The following SORT1 variants were observed in gnomAD, a reference collection of about 807,000 sequenced individuals.
SORT1 encodes sortilin.
A neutral mutation model predicts 101.7 loss-of-function variants in SORT1; 39 were observed. The ratio of observed to expected loss-of-function variants is 0.38; its 90% CI spans 0.30 to 0.50. The LOEUF is 0.50. SORT1 is among the 20% of genes least tolerant of loss of function. SORT1 has a pLI of 0.90. For synonymous variants in SORT1, 396 were observed against 393.7 expected, an observed-to-expected ratio of 1.01 and a Z score of -0.07; for missense variants, 878 against 1,040.4, an observed-to-expected ratio of 0.84 and a Z score of 2.15.
intron 10 of SORT1, among the ~76,000 whole-genome samples, chr1:109,339,705 T>A (rs951913887): frequency 1.3e-5 from 2 of 152,228 alleles, no homozygotes; most frequent in Admixed American, 1.3e-4. Context: ...CATGGAATTA[T>A]CATGTGATCC....
At chr1:109,379,881 A>T (rs1188962849) in intron 1 of SORT1, among the ~76,000 whole-genome samples, 5 of 152,214 alleles carry the variant, frequency 3.3e-5, no homozygotes, top group Admixed American at 6.5e-5. Context: ...TATTTGGAAA[A>T]AAAATAAAAT....
At chr1:109,379,762 T>C (rs904645614) in intron 1 of SORT1, among the ~76,000 whole-genome samples, 6 of 152,178 alleles carry the variant, frequency 3.9e-5, no homozygotes, top group Admixed American at 1.3e-4. Flanking sequence ...GGCGCAGGAA[T>C]AGACTAATCA....
At chr1:109,360,212 T>G (rs1165394063) in intron 3 of SORT1, among the ~76,000 whole-genome samples, 2 of 152,206 alleles carry the variant, frequency 1.3e-5, no homozygotes, top group South Asian at 4.1e-4. Flanking sequence ...GTTTCCAGCC[T>G]GTAGTCCCAG....
intron 13 of SORT1, 101 bp from the exon 14 acceptor site, chr1:109,325,190 T>A: frequency 1.6e-6 from 1 of 619,518 alleles, no homozygotes; most frequent in Non-Finnish European, 2.7e-6. Flanking sequence ...ACAAAACCCC[T>A]TACATTTAGG....
intron 3 of SORT1, among the ~76,000 whole-genome samples, chr1:109,365,317 G>A (rs1387392156): frequency 1.3e-5 from 2 of 152,144 alleles, no homozygotes; most frequent in Non-Finnish European, 2.9e-5. Context: ...CAACCTCCCG[G>A]ACCCAAGAGA....
intron 2 of SORT1, among the ~76,000 whole-genome samples, chr1:109,369,038 G>A (rs568708117): frequency 6.7e-6 from 1 of 150,370 alleles, no homozygotes; most frequent in Non-Finnish European, 1.5e-5. Flanking sequence ...AGATGTTCCC[G>A]GCCAGGCGCA....
chr1:109,373,322 G>A (rs1001186224), intron 1 of SORT1, among the ~76,000 whole-genome samples: 4 of 152,090 alleles, frequency 2.6e-5, no homozygotes, highest in African/African-American at 9.7e-5. Flanking sequence ...AGGTTCACAG[G>A]GCAGAAGATT....
At position 109,340,776 on chromosome 1, in the gene SORT1, A is replaced by G. The variant is rs776723279; in HGVS notation, c.1212T>C (p.Phe404=). The G allele has an allele frequency of 1.1e-5, 18 of 1,614,028 alleles. No individual in the cohort carries two copies. The South Asian group carries it at 1.2e-4, about 11-fold the overall frequency. The change falls in exon 10 of 20, where the codon TTT becomes TTC. Residue 404 remains phenylalanine, a synonymous_variant. Coordinates refer to ENST00000256637, the MANE Select transcript of SORT1 (RefSeq NM_002959.7). ...CGCCGCGGAGGGAGGTCACGTTGGT[A>G]AAGTCCGTCTCTCCGCCTGTGGTAG... ...LYTTTGGETD[F]TNVTSLRGVY...
chr1:109,393,041 G>C (rs1189972243), intron 1 of SORT1: 2 of 985,436 alleles, frequency 2.0e-6, no homozygotes, highest in Non-Finnish European at 1.2e-6. Context: ...AGACTTCCGG[G>C]TGTTACAAAG....
intron 1 of SORT1, among the ~76,000 whole-genome samples, chr1:109,372,898 C>CAA (rs34712891): frequency 6.1e-5 from 6 of 98,306 alleles, no homozygotes; most frequent in African/African-American, 7.5e-5. Flanking sequence ...GGCTCCGTCT[C>CAA]AAAAAAAAAA....
At chr1:109,341,522 A>AT (rs1362704300) in intron 9 of SORT1, among the ~76,000 whole-genome samples, 3 of 151,734 alleles carry the variant, frequency 2.0e-5, no homozygotes, top group Non-Finnish European at 2.9e-5. Context: ...AATTTTTTGT[A>AT]TTTTTTGTAG....
At chr1:109,357,176 C>T (rs557670268) in intron 3 of SORT1, among the ~76,000 whole-genome samples, 1 of 152,176 alleles carries the variant, frequency 6.6e-6, no homozygotes, top group Admixed American at 6.5e-5. Context: ...AGGTTTGTTG[C>T]CTAGGAACAA....
At chr1:109,321,335 G>A (rs1185603797) in intron 15 of SORT1, among the ~76,000 whole-genome samples, 1 of 152,204 alleles carries the variant, frequency 6.6e-6, no homozygotes, top group Admixed American at 6.5e-5. Flanking sequence ...AGACTTGGGG[G>A]TGAAGCAGGG....
At chr1:109,330,911 T>A (rs891868567) in intron 11 of SORT1, among the ~76,000 whole-genome samples, 2 of 152,068 alleles carry the variant, frequency 1.3e-5, no homozygotes, top group African/African-American at 4.8e-5. Context: ...CAAGACTGTA[T>A]CATGAAGAAG....
chr1:109,381,554 A>G (rs1459898536), intron 1 of SORT1, among the ~76,000 whole-genome samples: 1 of 152,174 alleles, frequency 6.6e-6, no homozygotes, highest in East Asian at 1.9e-4. Context: ...ATGTGACATC[A>G]TATGTGCATA....
chr1:109,310,247 G>A lies in SORT1; in HGVS notation c.*3796C>T, dbSNP rs1467533992. On this transcript the variant is annotated 3_prime_UTR_variant, in exon 20 of 20. Coordinates refer to ENST00000256637, the MANE Select transcript of SORT1 (RefSeq NM_002959.7). The stretch of plus-strand genomic sequence containing the variant: ...CAAGTACACTTAAGAATGTACTGGT[G>A]TGAAGAAATGCATACTGCAAGTTGT... The A allele has an allele frequency of 6.5e-6, 1 of 152,788 alleles. No individual in the cohort carries two copies. The allele number at this position is 152,788 out of a possible 1,614,324, so 9.5% of individuals were successfully genotyped here.
At chr1:109,358,507 A>G (rs1650481380) in intron 3 of SORT1, among the ~76,000 whole-genome samples, 1 of 152,208 alleles carries the variant, frequency 6.6e-6, no homozygotes, top group African/African-American at 2.4e-5. Context: ...CGTTATGAAC[A>G]GCCGTCGAAT....
intron 3 of SORT1, among the ~76,000 whole-genome samples, chr1:109,357,303 T>C (rs1334511920): frequency 6.6e-6 from 1 of 152,266 alleles, no homozygotes; most frequent in Non-Finnish European, 1.5e-5. Flanking sequence ...TCGCAGAATG[T>C]ATCCCCATCA....
At chr1:109,359,491 G>C (rs1310705040) in intron 3 of SORT1, among the ~76,000 whole-genome samples, 1 of 151,720 alleles carries the variant, frequency 6.6e-6, no homozygotes, top group Non-Finnish European at 1.5e-5. Context: ...AGCCTCAAAA[G>C]CCTTTTTATT....
Sources: gnomAD v4.1 joint callset for allele counts (sites outside exome capture counted in the v4.1 genomes callset) on GRCh38, gnomAD v4.1.1 for gene constraint, MANE v1.5 for transcripts, NCBI Gene and HGNC (gene_info 2026-07-23, HGNC 2026-07-21) for gene names.